The following MVB12B variants were observed in gnomAD, a reference collection of about 807,000 sequenced individuals.
The protein encoded by MVB12B is multivesicular body subunit 12B.
In MVB12B, 16 loss-of-function variants were observed where a neutral mutation model predicts 41.6. The observed-to-expected ratio is 0.38, with a 90% confidence interval of 0.26 to 0.58. The LOEUF (loss-of-function observed/expected upper bound fraction) is 0.58. MVB12B is among the 20% of genes least tolerant of loss of function. MVB12B has a pLI of 0.62. For missense variants in MVB12B, 274 were observed against 380.2 expected (o/e 0.72, Z 2.32); for synonymous variants, 133 against 139.7 (o/e 0.95, Z 0.34).
chr9:126,398,190 T>A (rs1831171796), intron 6 of MVB12B, among the ~76,000 whole-genome samples: 1 of 151,880 alleles, frequency 6.6e-6, no homozygotes, highest in African/African-American at 2.4e-5. Flanking sequence ...GGGCCTGTGC[T>A]GGGTCTTCTT....
chr9:126,477,375 C>CA (rs1217245652), intron 7 of MVB12B, among the ~76,000 whole-genome samples: 1 of 152,100 alleles, frequency 6.6e-6, no homozygotes, highest in Non-Finnish European at 1.5e-5. Context: ...AATATATGTA[C>CA]AAAAAATGCT....
chr9:126,439,730 G>A (rs1200452868), intron 7 of MVB12B, among the ~76,000 whole-genome samples: 1 of 152,138 alleles, frequency 6.6e-6, no homozygotes, highest in African/African-American at 2.4e-5. Context: ...ATATGAAAAA[G>A]AGAATGCATA....
chr9:126,443,265 C>G lies in MVB12B; in HGVS notation c.757+21317C>G, dbSNP rs1832684449. The stretch of plus-strand genomic sequence containing the variant: ...CAGTTTGCCTAGCTGCAAAATGAAG[C>G]TGTTGGACAGGGTGGACCTCCTGTC... On this transcript the variant is annotated intron_variant, in intron 7 of 9. Coordinates refer to ENST00000361171, the MANE Select transcript of MVB12B (RefSeq NM_033446.3). Among the ~76,000 whole-genome samples the G allele has an allele frequency of 3.3e-5, 5 of 152,252 alleles. No individual in the cohort carries two copies. The South Asian group carries it at 1.0e-3, about 32-fold the overall frequency.
At chr9:126,366,594 A>G (rs935264663) in intron 2 of MVB12B, among the ~76,000 whole-genome samples, 1 of 152,078 alleles carries the variant, frequency 6.6e-6, no homozygotes, top group African/African-American at 2.4e-5. Context: ...TTTTTGCAGT[A>G]TTTTCTTAGA....
At chr9:126,380,604 G>A (rs1367440436) in intron 2 of MVB12B, among the ~76,000 whole-genome samples, 1 of 152,180 alleles carries the variant, frequency 6.6e-6, no homozygotes, top group Non-Finnish European at 1.5e-5. Context: ...GTAGAATCCC[G>A]TTGACTGAAG....
intron 7 of MVB12B, among the ~76,000 whole-genome samples, chr9:126,440,959 G>A (rs559297942): frequency 6.6e-6 from 1 of 152,354 alleles, no homozygotes; most frequent in East Asian, 1.9e-4. Flanking sequence ...ATGACAAATG[G>A]TGGTGCGGAA....
intron 7 of MVB12B, among the ~76,000 whole-genome samples, chr9:126,470,123 C>T (rs772378051): frequency 2.0e-5 from 3 of 152,182 alleles, no homozygotes; most frequent in Non-Finnish European, 4.4e-5. Flanking sequence ...AATACCCTTT[C>T]GCGGTAGACC....
Position 126,503,220 on chromosome 9 carries a change from T to C in MVB12B, c.917T>C (p.Leu306Pro). Reference sequence around the variant, plus strand: ...ACAGAGCAGAGCGCAGCCGCCAGGCTCCCGCCCAGCCCCACCAGGTGTCAG... The same window carrying C: ...ACAGAGCAGAGCGCAGCCGCCAGGCCCCCGCCCAGCCCCACCAGGTGTCAG... ...FRTEQSAAAR[L>P]PPSPTRCQQI... The change falls in exon 10 of 10, where the codon CTC (leucine) becomes CCC (proline). Residue 306 changes from leucine (L) to proline (P), a missense_variant. Leu to Pro is a moderately conservative substitution (Grantham distance 98). Transcript: ENST00000361171. The C allele has an allele frequency of 6.4e-7, 1 of 1,550,614 alleles. No homozygotes were observed. Among genetic ancestry groups the C allele is most frequent in the East Asian group, 2.4e-5 (1 of 40,902 alleles).
intron 7 of MVB12B, among the ~76,000 whole-genome samples, chr9:126,453,901 G>T (rs1339553198): frequency 6.6e-6 from 1 of 152,296 alleles, no homozygotes; most frequent in East Asian, 1.9e-4. Context: ...CCAGGGCTGG[G>T]ACAAGGGCTC....
intron 7 of MVB12B, among the ~76,000 whole-genome samples, chr9:126,475,021 C>A (rs1303510447): frequency 6.6e-6 from 1 of 152,204 alleles, no homozygotes; most frequent in African/African-American, 2.4e-5. Flanking sequence ...CAGATCACGT[C>A]ATTGACTTAC....
At position 126,443,839 on chromosome 9, in the gene MVB12B, G is replaced by A. The variant is rs1376366807; in HGVS notation, c.757+21891G>A. Among the ~76,000 whole-genome samples the A allele has an allele frequency of 2.0e-5, 3 of 152,370 alleles. No homozygotes were observed. The East Asian group carries it at 5.8e-4, about 29-fold the overall frequency. ...AGAAACAAGATACAGAATATAGCCAGGAGTCCCATAAGTTCACTTGCCTCC... is the reference window on the plus strand; with the variant it reads ...AGAAACAAGATACAGAATATAGCCAAGAGTCCCATAAGTTCACTTGCCTCC... On this transcript the variant is annotated intron_variant, in intron 7 of 9. Transcript: ENST00000361171.
chr9:126,427,072 C>T (rs972139615), intron 7 of MVB12B: 7 of 152,202 alleles, frequency 4.6e-5, no homozygotes, highest in African/African-American at 1.7e-4. Context: ...TCTCAGACAA[C>T]ACTGGACATG....
rs1326816634 is a variant in MVB12B at position 126,480,019 on chromosome 9, A to C, written c.758-1350A>C. ...TGAGAAAGAAAAAATATGACCACTG[A>C]AGGTTCCAGAGAAGTCATCATTCCA... On this transcript the variant is annotated intron_variant, in intron 7 of 9. Transcript: ENST00000361171. This position sits in a 1 kb window ranked among gnomAD's most constrained non-coding sequence, Gnocchi z 4.9. 6.6e-6 allele frequency among the ~76,000 whole-genome samples: 1 copy of C among 152,164 alleles called. No individual in the cohort carries two copies. Among genetic ancestry groups the C allele is most frequent in the African/African-American group, 2.4e-5 (1 of 41,430 alleles).
Position 126,367,928 on chromosome 9 carries a change from A to G in MVB12B, c.205-13136A>G, listed in dbSNP as rs529449674. Among the ~76,000 whole-genome samples, 1 of 152,310 alleles carries G rather than the reference A, an allele frequency of 6.6e-6. No homozygotes were observed. The highest frequency in any genetic ancestry group is 6.5e-5 in the Admixed American group (1 of 15,304). Reference sequence around the variant, plus strand: ...GGGGAGGGAGTGCCTGACATATCATAAATGGCTAGAGAATGTTTGCTGAAA... The same window carrying G: ...GGGGAGGGAGTGCCTGACATATCATGAATGGCTAGAGAATGTTTGCTGAAA... On this transcript the variant is annotated intron_variant, in intron 2 of 9. Coordinates refer to ENST00000361171, the MANE Select transcript of MVB12B (RefSeq NM_033446.3). The surrounding 1 kb of genome is among the most constrained non-coding windows in gnomAD (Gnocchi z 4.3).
At chr9:126,418,831 C>T (rs1465184969) in intron 6 of MVB12B, among the ~76,000 whole-genome samples, 1 of 152,152 alleles carries the variant, frequency 6.6e-6, no homozygotes, top group Non-Finnish European at 1.5e-5. Context: ...CTCCAGGAAG[C>T]CTTCCAGGGA....
rs1417032039 is a variant in MVB12B at position 126,459,873 on chromosome 9, G to T, written c.758-21496G>T. Among the ~76,000 whole-genome samples, 1 of 152,214 alleles carries T rather than the reference G, an allele frequency of 6.6e-6. No individual in the cohort carries two copies. On this transcript the variant is annotated intron_variant, in intron 7 of 9. Transcript: ENST00000361171. This position sits in a 1 kb window ranked among gnomAD's most constrained non-coding sequence, Gnocchi z 4.3. The stretch of plus-strand genomic sequence containing the variant: ...ATCTCGAGGGAGAGAAAGGGCTCCG[G>T]GGCTCAGTAATGGTTTTCACAGGCG...
intron 6 of MVB12B, chr9:126,408,066 G>A (rs2119044979): frequency 6.6e-6 from 1 of 152,268 alleles, no homozygotes; most frequent in Middle Eastern, 3.4e-3. Flanking sequence ...TTCCACTAAA[G>A]TACTAATAAT....
chr9:126,421,682 G>C (rs1832024683), intron 6 of MVB12B, among the ~76,000 whole-genome samples, 172 bp from the exon 7 acceptor site: 1 of 152,222 alleles, frequency 6.6e-6, no homozygotes, highest in African/African-American at 2.4e-5. Context: ...TTCCTTGAGA[G>C]GACTTGAGCC....
chr9:126,483,903 A>G, intron 8 of MVB12B, 70 bp from the exon 9 acceptor site: 2 of 1,510,832 alleles, frequency 1.3e-6, no homozygotes, highest in South Asian at 1.1e-5. Context: ...TACCATTGTC[A>G]TGCATAAAAG....
Sources: gnomAD v4.1 joint callset for allele counts (sites outside exome capture counted in the v4.1 genomes callset) on GRCh38, gnomAD v4.1.1 for gene constraint, Gnocchi (gnomAD v3.1) non-coding constraint, MANE v1.5 for transcripts, NCBI Gene and HGNC (gene_info 2026-07-23, HGNC 2026-07-21) for gene names.